The following TUBGCP6 variants were observed in gnomAD, a reference collection of about 807,000 sequenced individuals.
TUBGCP6 encodes the protein gamma-tubulin complex component 6.
TUBGCP6 carries 161 observed loss-of-function variants against 175.8 expected under a neutral mutation model. That is an observed-to-expected ratio of 0.92 (90% CI 0.81 to 1.04). The LOEUF is 1.04. Ranked by LOEUF, TUBGCP6 falls within the 50% of genes least tolerant of loss-of-function variation. TUBGCP6 has a pLI of 0.00. For missense variants in TUBGCP6, 2,572 were observed against 2,433.0 expected (o/e 1.06, Z -1.20); for synonymous variants, 1,173 against 1,030.5 (o/e 1.14, Z -2.65).
rs751739072 is a variant in TUBGCP6, at chr22:50,220,707, CAT to C, written c.3650_3651del (p.His1217ArgfsTer3). On this transcript the variant is annotated frameshift_variant, in exon 16 of 25. Coordinates refer to ENST00000248846, the MANE Select transcript of TUBGCP6 (RefSeq NM_020461.4). LOFTEE classifies it high-confidence loss of function. ...PTRPRWNTHG[H>X]VSDTSIRVGE... is the part of the protein sequence containing the mutation. ...CCAACCCTGATGCTGGTGTCAGACA[CAT>C]GTCCGTGGGTGTTCCACCGTGGCCG... The C allele has an allele frequency of 3.7e-6, 6 of 1,611,220 alleles. No homozygotes were observed. The highest frequency in any genetic ancestry group is 5.1e-6 in the Non-Finnish European group (6 of 1,179,592).
chr22:50,230,259 C>A (rs2064670790), intron 3 of TUBGCP6, among the ~76,000 whole-genome samples: 1 of 151,734 alleles, frequency 6.6e-6, no homozygotes, highest in Admixed American at 6.6e-5. Flanking sequence ...CACTTGAGCC[C>A]AGAAGTCTGA....
chr22:50,236,580 G>A (rs888268531), intron 2 of TUBGCP6, among the ~76,000 whole-genome samples: 3 of 152,060 alleles, frequency 2.0e-5, no homozygotes, highest in Non-Finnish European at 2.9e-5. Flanking sequence ...TCACACCCCC[G>A]TCCTCCCTGC....
At chr22:50,241,024 G>A (rs2064832226) in intron 1 of TUBGCP6, among the ~76,000 whole-genome samples, 1 of 152,226 alleles carries the variant, frequency 6.6e-6, no homozygotes. Context: ...GAGACCGAGG[G>A]CACGAGCTGT....
intron 4 of TUBGCP6, among the ~76,000 whole-genome samples, chr22:50,228,484 TC>T (rs1392855722): frequency 6.6e-6 from 1 of 152,118 alleles, no homozygotes. Flanking sequence ...GGCACCAGCA[TC>T]CTGGGCAACG....
In TUBGCP6 at chr22:50,226,149, T is replaced by G. The variant is rs2147188196; in HGVS notation, c.1734A>C (p.Lys578Asn). ...ACACGGGAACACAGTCCTCCACCTC[T>G]TTGGAGATGAGCACGTAGCCATGTG... ...YWTHGYVLIS[K>N]EVEDCVPVFL... The change falls in exon 9 of 25, where the codon AAA (lysine) becomes AAC (asparagine). Residue 578 changes from lysine (K) to asparagine (N), a missense_variant. Lys to Asn is a moderately conservative substitution (Grantham distance 94). Coordinates refer to ENST00000248846, the MANE Select transcript of TUBGCP6 (RefSeq NM_020461.4). The G allele has an allele frequency of 1.2e-6, 2 of 1,614,140 alleles. No individual in the cohort carries two copies. Among genetic ancestry groups the G allele is most frequent in the Admixed American group, 1.7e-5 (1 of 60,026 alleles).
intron 10 of TUBGCP6, 132 bp from the exon 11 acceptor site, chr22:50,224,724 T>C (rs1322452114): frequency 1.1e-5 from 9 of 824,662 alleles, no homozygotes; most frequent in South Asian, 6.3e-5. Flanking sequence ...CTGGACAACA[T>C]AGCAAAAACC....
At chr22:50,222,380 T>G in intron 14 of TUBGCP6, 74 bp downstream of exon 14, 1 of 1,587,328 alleles carries the variant, frequency 6.3e-7, no homozygotes, top group Non-Finnish European at 8.6e-7. Context: ...CATGTAGGTT[T>G]GTGTGCAGTC....
chr22:50,226,487 G>A, intron 7 of TUBGCP6, 109 bp from the exon 8 acceptor site: 1 of 1,055,812 alleles, frequency 9.5e-7, no homozygotes, highest in South Asian at 1.4e-5. Context: ...GGGGCAAGTG[G>A]GGGCGTAGCT....
chr22:50,222,662 G>A (rs1466172237), intron 13 of TUBGCP6, 70 bp from the exon 14 acceptor site: 1 of 1,583,944 alleles, frequency 6.3e-7, no homozygotes, highest in African/African-American at 1.3e-5. Context: ...CACCCCTCAG[G>A]CCAGGATGGT....
intron 13 of TUBGCP6, chr22:50,223,301 G>A (rs2064556677): frequency 6.6e-6 from 1 of 152,374 alleles, no homozygotes; most frequent in Admixed American, 6.5e-5. Context: ...ATCTAAGGTT[G>A]GGACCTACAG....
At chr22:50,227,249 G>A (rs1248279517) in intron 5 of TUBGCP6, among the ~76,000 whole-genome samples, 172 bp from the exon 6 acceptor site, 1 of 151,938 alleles carries the variant, frequency 6.6e-6, no homozygotes, top group African/African-American at 2.4e-5. Context: ...CTCCCTGCAG[G>A]ACTCGTGTGC....
chr22:50,240,469 T>C (rs1386357454), intron 1 of TUBGCP6, 102 bp from the exon 2 acceptor site: 1 of 1,374,650 alleles, frequency 7.3e-7, no homozygotes, highest in East Asian at 2.4e-5. Context: ...CCTAACAAAA[T>C]GTTTCTTCTG....
rs374319532 is a variant in TUBGCP6 at position 50,236,537 on chromosome 22, C to G, written c.906-3011G>C. On this transcript the variant is annotated intron_variant, in intron 2 of 24. Transcript: ENST00000248846. ...AATTTGCCTTCTGCTGGTGCTGAGG[C>G]TGTGAAACCACATGTACTGGCACTA... Among the ~76,000 whole-genome samples, 204 of 152,312 alleles carry G rather than the reference C, an allele frequency of 1.3e-3. 5 individuals carry two copies. The South Asian group carries it at 0.041, about 30-fold the overall frequency.
chr22:50,221,335 T>C lies in TUBGCP6; in HGVS notation c.3024A>G (p.Pro1008=). ...ASRETLLPSH[P]PRRAALEEGS... ...CCTCCTCCAGAGCAGCACGCCTGGG[T>C]GGGTGTGAGGGGAGCAGAGTCTCCC... is the stretch of plus-strand genomic sequence containing the variant. The change falls in exon 16 of 25, where the codon CCA becomes CCG. Residue 1008 remains proline, a synonymous_variant. Transcript: ENST00000248846. 6.2e-7 allele frequency: 1 copy of C among 1,612,860 alleles called. No individual in the cohort carries two copies. Among genetic ancestry groups the C allele is most frequent in the Non-Finnish European group, 8.5e-7 (1 of 1,179,904 alleles).
chr22:50,228,153 A>T, intron 4 of TUBGCP6, 125 bp from the exon 5 acceptor site: 8 of 1,172,956 alleles, frequency 6.8e-6, no homozygotes, highest in Non-Finnish European at 9.2e-6. Context: ...CTCCATTTCC[A>T]AGCAATGGGC....
At chr22:50,225,194 C>T (rs1173702363) in intron 10 of TUBGCP6, among the ~76,000 whole-genome samples, 1 of 152,042 alleles carries the variant, frequency 6.6e-6, no homozygotes, top group African/African-American at 2.4e-5. Flanking sequence ...TGGAAGGAAA[C>T]CAAGAGGCCT....
intron 3 of TUBGCP6, 45 bp downstream of exon 3, chr22:50,233,271 C>G (rs1017528518): frequency 7.5e-6 from 12 of 1,592,602 alleles, no homozygotes; most frequent in Non-Finnish European, 1.0e-5. Flanking sequence ...TGGTGGAGGG[C>G]AGGCCAGCCC....
Position 50,244,777 on chromosome 22 carries a change from C to G in TUBGCP6, c.-318G>C, listed in dbSNP as rs1601614309. 6.1e-6 allele frequency: 2 copies of G among 328,276 alleles called. No homozygotes were observed. The highest frequency in any genetic ancestry group is 8.9e-5 in the South Asian group (2 of 22,480). 20.3% of individuals were successfully genotyped at this position (328,276 alleles called of 1,614,324 possible). Reference sequence around the variant, plus strand: ...ACAGAACCGTGGCAAAACCGAAGAACGAAACGCGCGCCCGCGCAGTACAGC... The same window carrying G: ...ACAGAACCGTGGCAAAACCGAAGAAGGAAACGCGCGCCCGCGCAGTACAGC... On this transcript the variant is annotated 5_prime_UTR_variant, in exon 1 of 25. Transcript: ENST00000248846.
chr22:50,238,473 A>C (rs967230583), intron 2 of TUBGCP6, among the ~76,000 whole-genome samples: 140 of 151,818 alleles, frequency 9.2e-4, no homozygotes, highest in African/African-American at 3.3e-3. Flanking sequence ...ACAAAAAAAA[A>C]ACAGAAAAAA....
Sources: allele counts gnomAD v4.1 joint callset (sites outside exome capture counted in the v4.1 genomes callset), GRCh38; gene constraint gnomAD v4.1.1; transcripts MANE v1.5; gene names NCBI Gene and HGNC (gene_info 2026-07-23, HGNC 2026-07-21).